RBFA: variants seen among roughly 807,000 people sequenced by gnomAD.
RBFA encodes the protein putative ribosome-binding factor A, mitochondrial.
In RBFA, 16 loss-of-function variants were observed where a neutral mutation model predicts 27.9. The observed-to-expected ratio is 0.57, with a 90% CI of 0.39 to 0.87. RBFA has a LOEUF of 0.87. Ranked by LOEUF, RBFA falls within the 40% of genes least tolerant of loss-of-function variation. The pLI is 0.00. For synonymous variants in RBFA, 181 were observed against 181.0 expected (o/e 1.00, Z 0.00); for missense variants, 456 against 432.1 (o/e 1.06, Z -0.49).
At position 80,048,231 on chromosome 18, in the gene RBFA, G is replaced by A. The variant is rs932051375; in HGVS notation, c.*2076G>A. 3.3e-5 allele frequency: 5 copies of A among 152,422 alleles called. No homozygotes were observed. Among genetic ancestry groups the A allele is most frequent in the African/African-American group, 9.6e-5 (4 of 41,476 alleles). The allele number at this position is 152,422 out of a possible 1,614,324, so 9.4% of individuals were successfully genotyped here. Reference sequence around the variant, plus strand: ...CACTGCCGGGCTGGGAACAGGGCCAGTGCTTGCACCAGCGCTGGAGGGGGC... The same window carrying A: ...CACTGCCGGGCTGGGAACAGGGCCAATGCTTGCACCAGCGCTGGAGGGGGC... On this transcript the variant is annotated 3_prime_UTR_variant, in exon 7 of 7. Transcript: ENST00000306735.
At position 80,047,405 on chromosome 18, in the gene RBFA, G is replaced by A. The variant is rs1356218960; in HGVS notation, c.*1250G>A. The A allele has an allele frequency of 1.3e-5, 2 of 152,376 alleles. No homozygotes were observed. Among genetic ancestry groups the A allele is most frequent in the African/African-American group, 4.8e-5 (2 of 41,478 alleles). The allele number at this position is 152,376 out of a possible 1,614,324, so 9.4% of individuals were successfully genotyped here. A position where few individuals can be genotyped will look rare whatever the true frequency, so the allele number is the denominator to read the frequency against. ...GAGTGATGAGGCCACTACCCAGAAAGCTGCATGTGCACTGTGTGGGGTAAG... is the reference window on the plus strand; with the variant it reads ...GAGTGATGAGGCCACTACCCAGAAAACTGCATGTGCACTGTGTGGGGTAAG... On this transcript the variant is annotated 3_prime_UTR_variant, in exon 7 of 7. Transcript: ENST00000306735.
rs2052083614 is a variant in RBFA at position 80,049,737 on chromosome 18, C to G, written c.*3582C>G. 6.6e-6 allele frequency among the ~76,000 whole-genome samples: 1 copy of G among 152,224 alleles called. No homozygotes were observed. The highest frequency in any genetic ancestry group is 6.5e-5 in the Admixed American group (1 of 15,282). On this transcript the variant is annotated 3_prime_UTR_variant, in exon 7 of 7. Coordinates refer to ENST00000306735, the MANE Select transcript of RBFA (RefSeq NM_024805.3). ...AATGCAGATGGCCCAGTAAGCAACTCTACAAACATTAGAACATTTTGAGGT... is the reference window on the plus strand; with the variant it reads ...AATGCAGATGGCCCAGTAAGCAACTGTACAAACATTAGAACATTTTGAGGT...
Position 80,037,460 on chromosome 18 carries a change from C to A in RBFA, c.332C>A (p.Pro111His). The A allele has an allele frequency of 1.2e-6, 2 of 1,614,104 alleles. No individual in the cohort carries two copies. The highest frequency in any genetic ancestry group is 2.2e-5 in the East Asian group (1 of 44,884). Residue 111 changes from proline (P) to histidine (H), a missense_variant, in exon 3 of 7, where the codon CCT becomes CAT. Transcript: ENST00000306735. Reference protein sequence around the residue: ...YKALTDLLCTPEVSQELYDLN... With the variant: ...YKALTDLLCTHEVSQELYDLN... ...GCACTGACAGACCTGCTGTGTACCC[C>A]TGAAGTGAGTCAGGAGCTGTATGAC... is the stretch of plus-strand genomic sequence containing the variant.
At chr18:80,040,683 A>G (rs1035992774) in intron 4 of RBFA, among the ~76,000 whole-genome samples, 19 of 151,522 alleles carry the variant, frequency 1.3e-4, no homozygotes, top group African/African-American at 4.6e-4. Flanking sequence ...TGTGGGGGGG[A>G]GTGTATATAT....
intron 4 of RBFA, among the ~76,000 whole-genome samples, chr18:80,039,283 A>C (rs1175824116): frequency 6.6e-6 from 1 of 152,232 alleles, no homozygotes; most frequent in Non-Finnish European, 1.5e-5. Context: ...GAGCCGTGTT[A>C]ATGTACCTGC....
In RBFA at chr18:80,048,437, A is replaced by G. The variant is rs1052252031; in HGVS notation, c.*2282A>G. On this transcript the variant is annotated 3_prime_UTR_variant, in exon 7 of 7. Transcript: ENST00000306735. The stretch of plus-strand genomic sequence containing the variant: ...ACCTTTGCATGCATCTGATGTGCCC[A>G]GGCTGTGTTTTATTGTTCTAGCAAT... Among the ~76,000 whole-genome samples the G allele has an allele frequency of 2.0e-5, 3 of 152,172 alleles. No homozygotes were observed. Among genetic ancestry groups the G allele is most frequent in the African/African-American group, 7.2e-5 (3 of 41,440 alleles).
Position 80,048,883 on chromosome 18 carries a change from C to CT in RBFA, c.*2728_*2729insT, listed in dbSNP as rs1568391910. ...GTTTGCAGGGGATCCAACCAGGCGT[C>CT]GGCTCAGTGCCTCCTAGAAAGTGGA... On this transcript the variant is annotated 3_prime_UTR_variant, in exon 7 of 7. Coordinates refer to ENST00000306735, the MANE Select transcript of RBFA (RefSeq NM_024805.3). 9.4e-5 allele frequency among the ~76,000 whole-genome samples: 14 copies of CT among 149,684 alleles called. No homozygotes were observed. Among genetic ancestry groups the CT allele is most frequent in the African/African-American group, 3.3e-4 (13 of 39,780 alleles).
At chr18:80,040,835 T>C (rs1216501177) in intron 4 of RBFA, among the ~76,000 whole-genome samples, 1 of 152,238 alleles carries the variant, frequency 6.6e-6, no homozygotes, top group African/African-American at 2.4e-5. Context: ...AAATGCTCTT[T>C]GGGATCTTCA....
At position 80,046,145 on chromosome 18, in the gene RBFA, G is replaced by A. The variant is rs1462508423; in HGVS notation, c.1022G>A (p.Ser341Asn). The change falls in exon 7 of 7, where the codon AGC becomes AAC. Residue 341 changes from serine (S) to asparagine (N), a missense_variant. Ser to Asn is a conservative substitution (Grantham distance 46). Transcript: ENST00000306735. The stretch of plus-strand genomic sequence containing the variant: ...GAGGATGGCCACAGCTGCGGAGCAA[G>A]CAGGGAGTAGATGGAGAGGCTCTGC... ...RTEDGHSCGA[S>N]RE 1 of 1,613,848 alleles carries A rather than the reference G, an allele frequency of 6.2e-7. No individual in the cohort carries two copies. The highest frequency in any genetic ancestry group is 1.7e-5 in the Admixed American group (1 of 60,024).
In RBFA at chr18:80,037,481, A is replaced by G. The variant is rs1185426335; in HGVS notation, c.353A>G (p.Tyr118Cys). ...LCTPEVSQEL[Y>C]DLNVELSKVS... The stretch of plus-strand genomic sequence containing the variant: ...ACCCCTGAAGTGAGTCAGGAGCTGT[A>G]TGACCTTAACGTGGAGCTCTCCAAG... Residue 118 changes from tyrosine (Y) to cysteine (C), a missense_variant, in exon 3 of 7, where the codon TAT becomes TGT. Physicochemically the swap from Tyr to Cys is radical, Grantham distance 194 (BLOSUM62 -2). Transcript: ENST00000306735. 1.9e-6 allele frequency: 3 copies of G among 1,613,536 alleles called. No individual in the cohort carries two copies. The highest frequency in any genetic ancestry group is 1.3e-5 in the African/African-American group (1 of 74,912).
intron 4 of RBFA, among the ~76,000 whole-genome samples, chr18:80,039,088 GA>G (rs2052000461): frequency 6.6e-6 from 1 of 152,282 alleles, no homozygotes; most frequent in Non-Finnish European, 1.5e-5. Flanking sequence ...GCCGAGGCGG[GA>G]GGATCACTTG....
At chr18:80,042,543 G>C (rs2145147552) in intron 5 of RBFA, among the ~76,000 whole-genome samples, 1 of 152,322 alleles carries the variant, frequency 6.6e-6, no homozygotes. Context: ...GGCCGAGGCA[G>C]GTGGATCACA....
Position 80,037,486 on chromosome 18 carries a change from C to G in RBFA, c.358C>G (p.Leu120Val). Residue 120 changes from leucine to valine, a missense_variant, in exon 3 of 7, where the codon CTT becomes GTT. Transcript: ENST00000306735. ...TGAAGTGAGTCAGGAGCTGTATGAC[C>G]TTAACGTGGAGCTCTCCAAGGTAGG... ...TPEVSQELYD[L>V]NVELSKVSLT... 6.2e-7 allele frequency: 1 copy of G among 1,612,872 alleles called. No homozygotes were observed. The highest frequency in any genetic ancestry group is 1.1e-5 in the South Asian group (1 of 91,034).
chr18:80,044,256 A>G lies in RBFA; in HGVS notation c.621A>G (p.Glu207=). The change falls in exon 6 of 7, where the codon GAA becomes GAG. Residue 207 remains glutamate (E), a synonymous_variant. Transcript: ENST00000306735. ...LAVADFGPRD[E]RDNFVQNDFR... is the part of the protein sequence containing the mutation. ...TCGCAGACTTTGGACCCCGGGATGAAAGAGACAACTTTGTACAAAATGATT... is the reference window on the plus strand; with the variant it reads ...TCGCAGACTTTGGACCCCGGGATGAGAGAGACAACTTTGTACAAAATGATT... 1.2e-6 allele frequency: 2 copies of G among 1,614,166 alleles called. No individual in the cohort carries two copies. The highest frequency in any genetic ancestry group is 1.7e-6 in the Non-Finnish European group (2 of 1,179,994).
At chr18:80,041,953 C>T (rs535635459) in intron 4 of RBFA, 182 bp from the exon 5 acceptor site, 1 of 279,386 alleles carries the variant, frequency 3.6e-6, no homozygotes, top group African/African-American at 2.2e-5. Flanking sequence ...GTCTCGATCT[C>T]CTGACCTCGT....
At chr18:80,037,918 T>C (rs1004028227) in intron 3 of RBFA, among the ~76,000 whole-genome samples, 3 of 151,578 alleles carry the variant, frequency 2.0e-5, no homozygotes, top group Non-Finnish European at 2.9e-5. Context: ...TTAGCACTTA[T>C]GAAGTCTTAG....
At chr18:80,036,325 A>G (rs535325625) in intron 1 of RBFA, among the ~76,000 whole-genome samples, 10 of 152,292 alleles carry the variant, frequency 6.6e-5, no homozygotes, top group Non-Finnish European at 1.2e-4. Flanking sequence ...CTATAACAGT[A>G]TCTGAATCCT....
chr18:80,038,701 A>G (rs2051998082), intron 4 of RBFA, 84 bp downstream of exon 4: 1 of 966,602 alleles, frequency 1.0e-6, no homozygotes, highest in African/African-American at 1.6e-5. Context: ...GTGGACTTGA[A>G]CTTTTCATTG....
At position 80,034,499 on chromosome 18, in the gene RBFA, TGGGCTGCG is replaced by T; in HGVS notation, c.6_13del (p.Trp2CysfsTer17). The T allele has an allele frequency of 6.5e-7, 1 of 1,550,088 alleles. No homozygotes were observed. Among genetic ancestry groups the T allele is most frequent in the Non-Finnish European group, 8.6e-7 (1 of 1,156,754 alleles). On this transcript the variant is annotated frameshift_variant, in exon 1 of 7. Coordinates refer to ENST00000306735, the MANE Select transcript of RBFA (RefSeq NM_024805.3). LOFTEE classifies it high-confidence loss of function. ...CTCCGGGTCCCGGCGCCGCGCCATG[TGGGCTGCG>T]GCGGGCGGGCTGTGGCGCTCCCGCG...
Sources: allele counts gnomAD v4.1 joint callset (sites outside exome capture counted in the v4.1 genomes callset), GRCh38; gene constraint gnomAD v4.1.1; transcripts MANE v1.5; gene names NCBI Gene and HGNC (gene_info 2026-07-23, HGNC 2026-07-21).